The following ASIP variants were observed in gnomAD, a reference collection of about 807,000 sequenced individuals.
The protein encoded by ASIP is agouti signaling protein, also known as agouti-signaling protein.
ASIP carries 11 observed loss-of-function variants against 10.3 expected under a neutral mutation model. The ratio of observed to expected loss-of-function variants is 1.07; its 90% CI spans 0.68 to 1.78. The LOEUF (loss-of-function observed/expected upper bound fraction) is 1.78. Ranked by LOEUF, ASIP falls within the 40% of genes most tolerant of loss-of-function variation. The probability of loss-of-function intolerance (pLI) is 0.00; values close to 1 mark genes in which losing one functional copy is unlikely to be tolerated. For missense variants in ASIP, 180 were observed against 169.2 expected, an observed-to-expected ratio of 1.06 and a Z score of -0.35; for synonymous variants, 70 against 70.8, an observed-to-expected ratio of 0.99 and a Z score of 0.06.
rs950173050 is a variant in ASIP at position 34,210,390 on chromosome 20, T to G, written c.-11+15630T>G. Among the ~76,000 whole-genome samples, 13 of 152,222 alleles carry G rather than the reference T, an allele frequency of 8.5e-5. 1 individual carries two copies. Among genetic ancestry groups the G allele is most frequent in the South Asian group, 2.1e-4 (1 of 4,832 alleles). Reference sequence around the variant, plus strand: ...CCCAGTGGCAGGTGTGGAAGCTGCTTGCAGTGTGTCTGGTCCAGTTGCAGC... The same window carrying G: ...CCCAGTGGCAGGTGTGGAAGCTGCTGGCAGTGTGTCTGGTCCAGTTGCAGC... On this transcript the variant is annotated intron_variant, in intron 1 of 3. Transcript: ENST00000568305.
Position 34,213,834 on chromosome 20 carries a change from G to T in ASIP, c.-11+19074G>T. 2.0e-6 allele frequency: 3 copies of T among 1,531,292 alleles called. No homozygotes were observed. The Admixed American group carries it at 5.0e-5, about 26-fold the overall frequency. 94.9% of individuals were successfully genotyped at this position (1,531,292 alleles called of 1,614,324 possible). A position where few individuals can be genotyped will look rare whatever the true frequency, so the allele number is the denominator to read the frequency against. On this transcript the variant is annotated intron_variant, in intron 1 of 3. Coordinates refer to the ASIP transcript ENST00000568305. ...TCTGTAAACAGTCCAGATAAACTTCGGAACAGCCACACTGTTTCACAGTCT... is the reference window on the plus strand; with the variant it reads ...TCTGTAAACAGTCCAGATAAACTTCTGAACAGCCACACTGTTTCACAGTCT...
chr20:34,188,185 G>A, the ASIP span, among the ~76,000 whole-genome samples: 1,587 of 152,300 alleles, frequency 0.01, 28 homozygotes, highest in African/African-American at 0.036. Context: ...ATACAAAAAC[G>A]AAATTATACG....
chr20:34,226,150 G>A (rs1487601818), intron 1 of ASIP, among the ~76,000 whole-genome samples: 3 of 152,012 alleles, frequency 2.0e-5, no homozygotes, highest in Non-Finnish European at 4.4e-5. Context: ...CACCCACCTT[G>A]GCTTCCCAAA....
intron 3 of ASIP, among the ~76,000 whole-genome samples, chr20:34,263,114 A>C (rs1224449402): frequency 6.6e-6 from 1 of 152,210 alleles, no homozygotes; most frequent in Non-Finnish European, 1.5e-5. Context: ...AGGTTACGAA[A>C]AGCAGCTTCC....
upstream of ASIP, among the ~76,000 whole-genome samples, chr20:34,191,319 G>A (rs910855213): frequency 6.6e-6 from 1 of 152,136 alleles, no homozygotes; most frequent in Non-Finnish European, 1.5e-5. Flanking sequence ...CACCCCTGGC[G>A]CTCTTTGCCC....
upstream of ASIP, among the ~76,000 whole-genome samples, chr20:34,237,373 C>G (rs1357606727): frequency 6.6e-6 from 1 of 152,146 alleles, no homozygotes; most frequent in African/African-American, 2.4e-5. Context: ...TGTCATTGTA[C>G]ACATCTTTCA....
intron 1 of ASIP, chr20:34,215,488 T>C: frequency 1.3e-6 from 2 of 1,528,726 alleles, no homozygotes; most frequent in Non-Finnish European, 1.8e-6. Flanking sequence ...TCCCCTTGGA[T>C]TTAGGTCCAC....
chr20:34,254,455 T>C (rs2035535658), intron 1 of ASIP, among the ~76,000 whole-genome samples: 1 of 152,226 alleles, frequency 6.6e-6, no homozygotes, highest in African/African-American at 2.4e-5. Context: ...AACGTTTACC[T>C]GTAATTGCAA....
At chr20:34,235,979 AGAAGGAAAGAAGGAAGGAAGGAGAAAGAG>A (rs1406507176) in intron 1 of ASIP, among the ~76,000 whole-genome samples, 2 of 127,888 alleles carry the variant, frequency 1.6e-5, no homozygotes. Context: ...GAGGGAGGGA[AGAAGGAAAGAAGGAAGGAAGGAGAAAGAG>A]AGAAAGAGAG....
intron 1 of ASIP, among the ~76,000 whole-genome samples, chr20:34,203,010 G>A (rs952896485): frequency 6.6e-5 from 10 of 151,878 alleles, no homozygotes; most frequent in East Asian, 1.9e-4. Flanking sequence ...GGGTTTCACC[G>A]CGTTAGCCAG....
chr20:34,214,153 G>C, intron 1 of ASIP: 1 of 1,178,568 alleles, frequency 8.5e-7, no homozygotes, highest in Non-Finnish European at 1.3e-6. Flanking sequence ...AATAAATCTT[G>C]TATTCTATTC....
At chr20:34,219,705 G>A (rs1264992837) in intron 1 of ASIP, among the ~76,000 whole-genome samples, 1 of 152,216 alleles carries the variant, frequency 6.6e-6, no homozygotes, top group East Asian at 1.9e-4. Context: ...CTTGTGGGTG[G>A]TGAGAGGAAC....
chr20:34,258,978 G>C (rs1048175774), intron 1 of ASIP, among the ~76,000 whole-genome samples: 1 of 145,814 alleles, frequency 6.9e-6, no homozygotes, highest in Non-Finnish European at 1.5e-5. Context: ...TTAGGTGGGA[G>C]GATCACTTGA....
Position 34,264,352 on chromosome 20 carries a change from G to A in ASIP, c.222+1459G>A, listed in dbSNP as rs142876321. On this transcript the variant is annotated intron_variant, in intron 3 of 3. Transcript: ENST00000374954. ...GGTGTTGCGAGTACGTGCTTACAAC[G>A]CTCTGTGAGCTAATCATCTCTGCAC... 1.1e-3 allele frequency among the ~76,000 whole-genome samples: 163 copies of A among 152,240 alleles called. 1 individual carries two copies. The highest frequency in any genetic ancestry group is 3.8e-3 in the African/African-American group (158 of 41,542).
intron 1 of ASIP, among the ~76,000 whole-genome samples, chr20:34,196,173 CTTTTTTTTTTTT>C (rs34524786): frequency 1.2e-5 from 1 of 83,706 alleles, no homozygotes; most frequent in Admixed American, 1.5e-4. Flanking sequence ...AGGGAGATTT[CTTTTTTTTTTTT>C]TTTTTTTTTT....
At chr20:34,206,768 A>G (rs973343520) in intron 1 of ASIP, among the ~76,000 whole-genome samples, 17 of 152,120 alleles carry the variant, frequency 1.1e-4, no homozygotes, top group Non-Finnish European at 2.5e-4. Flanking sequence ...TAGTAAAGAC[A>G]GGATTTCACT....
chr20:34,210,224 G>A (rs1349880884), intron 1 of ASIP, among the ~76,000 whole-genome samples: 8 of 152,230 alleles, frequency 5.3e-5, no homozygotes, highest in South Asian at 2.1e-4. Flanking sequence ...TGCTCACCAC[G>A]TTGAGGGTGA....
intron 1 of ASIP, among the ~76,000 whole-genome samples, chr20:34,201,034 TTC>T (rs1462245178): frequency 2.6e-5 from 3 of 117,108 alleles, no homozygotes; most frequent in African/African-American, 6.1e-5. Flanking sequence ...CTTTCTTTCT[TTC>T]TTTCTTTCTT....
At chr20:34,265,163 T>A (rs1378833635) in intron 3 of ASIP, among the ~76,000 whole-genome samples, 1 of 152,160 alleles carries the variant, frequency 6.6e-6, no homozygotes. Context: ...CCACAGTTTA[T>A]GTTATCAGTA....
Sources: gnomAD v4.1 joint callset for allele counts (sites outside exome capture counted in the v4.1 genomes callset) on GRCh38, gnomAD v4.1.1 for gene constraint, MANE v1.5 for transcripts, NCBI Gene and HGNC (gene_info 2026-07-23, HGNC 2026-07-21) for gene names.